The following CSNK2A1 variants were observed in gnomAD, a reference collection of about 807,000 sequenced individuals.
The protein encoded by CSNK2A1 is casein kinase 2 alpha 1.
A neutral mutation model predicts 62.9 loss-of-function variants in CSNK2A1; 10 were observed. The ratio of observed to expected loss-of-function variants is 0.16; its 90% confidence interval spans 0.10 to 0.27. CSNK2A1 has a LOEUF of 0.27. CSNK2A1 is among the 10% of genes least tolerant of loss of function. The probability of loss-of-function intolerance (pLI) is 1.00; values close to 1 mark genes in which losing one functional copy is unlikely to be tolerated. For synonymous variants in CSNK2A1, 124 were observed against 167.8 expected (o/e 0.74, Z 2.02); for missense variants, 160 against 492.0 (o/e 0.33, Z 6.38).
chr20:494,365 T>C (rs2018302833), intron 8 of CSNK2A1: 1 of 152,214 alleles, frequency 6.6e-6, no homozygotes, highest in African/African-American at 2.4e-5. Context: ...GTTGCATTCA[T>C]ATATAGGCTT....
chr20:535,613 C>A (rs1038832407), intron 1 of CSNK2A1, among the ~76,000 whole-genome samples: 1 of 151,742 alleles, frequency 6.6e-6, no homozygotes, highest in South Asian at 2.1e-4. Context: ...AAAATTAGCC[C>A]GGTGGGGTGG....
Position 475,770 on chromosome 20 carries a change from T to A in CSNK2A1, c.*8191A>T, listed in dbSNP as rs2017837579. ...ACACAGCAGAGGCTTGAAATGTGCT[T>A]GTGTGATTCCATTTGGTCTCTTCTA... On this transcript the variant is annotated 3_prime_UTR_variant, in exon 14 of 14. Coordinates refer to ENST00000217244, the MANE Select transcript of CSNK2A1 (RefSeq NM_177559.3). 1 of 152,194 alleles carries A rather than the reference T, an allele frequency of 6.6e-6. No individual in the cohort carries two copies. Among genetic ancestry groups the A allele is most frequent in the African/African-American group, 2.4e-5 (1 of 41,440 alleles). 9.4% of individuals were successfully genotyped at this position (152,194 alleles called of 1,614,324 possible).
chr20:527,774 G>C (rs1174945751), intron 2 of CSNK2A1, among the ~76,000 whole-genome samples, 159 bp downstream of exon 2: 1 of 152,120 alleles, frequency 6.6e-6, no homozygotes, highest in Non-Finnish European at 1.5e-5. Flanking sequence ...CCTGACCTCA[G>C]GTGATCCAAC....
chr20:504,982 G>C, intron 4 of CSNK2A1, 136 bp downstream of exon 4: 2 of 717,688 alleles, frequency 2.8e-6, no homozygotes, highest in Non-Finnish European at 4.6e-6. Context: ...GTTCTATTGA[G>C]TTCATAGGAT....
chr20:524,708 CAAAAAAAAAAA>C (rs56228720), intron 2 of CSNK2A1, among the ~76,000 whole-genome samples: 1 of 83,168 alleles, frequency 1.2e-5, no homozygotes, highest in East Asian at 4.4e-4. Flanking sequence ...GACTCCATCT[CAAAAAAAAAAA>C]AAAAAAAAAA....
rs529553913 is a variant in CSNK2A1 at position 533,772 on chromosome 20, G to A, written c.-226-5723C>T. Among the ~76,000 whole-genome samples the A allele has an allele frequency of 7.9e-5, 12 of 152,276 alleles. No individual in the cohort carries two copies. The South Asian group carries it at 2.5e-3, about 32-fold the overall frequency. On this transcript the variant is annotated intron_variant, in intron 1 of 13. Coordinates refer to ENST00000217244, the MANE Select transcript of CSNK2A1 (RefSeq NM_177559.3). ...AGAAAAGGGATCTGAGTGTCAATGT[G>A]ACATAAATGACATAGCAACAGTGTG...
rs1381350307 is a variant in CSNK2A1 at position 474,598 on chromosome 20, CAAT to C, written c.*9360_*9362del. 6.6e-6 allele frequency: 1 copy of C among 152,164 alleles called. No homozygotes were observed. Among genetic ancestry groups the C allele is most frequent in the Non-Finnish European group, 1.5e-5 (1 of 68,028 alleles). 9.4% of individuals were successfully genotyped at this position (152,164 alleles called of 1,614,324 possible). On this transcript the variant is annotated 3_prime_UTR_variant, in exon 14 of 14. Transcript: ENST00000217244. ...AAAGTAAATACTGCTACTATCTTAA[CAAT>C]AATTTAAAAAATCTCAAAATAACAT...
At chr20:524,804 C>T (rs986365112) in intron 2 of CSNK2A1, among the ~76,000 whole-genome samples, 4 of 151,496 alleles carry the variant, frequency 2.6e-5, no homozygotes, top group Non-Finnish European at 5.9e-5. Flanking sequence ...CAATATATCC[C>T]ATAAATATGT....
At chr20:538,548 G>C (rs1188872681) in intron 1 of CSNK2A1, among the ~76,000 whole-genome samples, 3 of 152,112 alleles carry the variant, frequency 2.0e-5, no homozygotes, top group Non-Finnish European at 4.4e-5. Context: ...CCAATTAATA[G>C]GATACTTTAA....
chr20:521,235 C>T (rs1266692149), intron 2 of CSNK2A1, among the ~76,000 whole-genome samples: 1 of 151,984 alleles, frequency 6.6e-6, no homozygotes, highest in Non-Finnish European at 1.5e-5. Flanking sequence ...GAAAACAGCT[C>T]AATTTAAAAA....
At chr20:522,084 A>G (rs1306300859) in intron 2 of CSNK2A1, among the ~76,000 whole-genome samples, 1 of 152,248 alleles carries the variant, frequency 6.6e-6, no homozygotes, top group Admixed American at 6.5e-5. Context: ...CTCCTGTCCC[A>G]TCAGCAACAG....
intron 8 of CSNK2A1, 26 bp from the exon 9 acceptor site, chr20:492,390 T>G: frequency 2.5e-6 from 4 of 1,610,198 alleles, no homozygotes; most frequent in Non-Finnish European, 3.4e-6. Context: ...CCATGAGCAA[T>G]CTTATCTTTC....
intron 1 of CSNK2A1, among the ~76,000 whole-genome samples, chr20:530,695 G>A (rs1032936852): frequency 3.3e-5 from 5 of 151,984 alleles, no homozygotes; most frequent in African/African-American, 7.3e-5. Context: ...GGCTGGTCTC[G>A]AACTCCTGGA....
At chr20:487,110 G>A (rs1164149471) in intron 12 of CSNK2A1, 8 of 300,146 alleles carry the variant, frequency 2.7e-5, no homozygotes, top group African/African-American at 1.5e-4. Context: ...TCTTTCCAAC[G>A]AATGATTACT....
chr20:521,897 G>GA (rs1375977913), intron 2 of CSNK2A1, among the ~76,000 whole-genome samples: 1 of 152,154 alleles, frequency 6.6e-6, no homozygotes, highest in Non-Finnish European at 1.5e-5. Context: ...CCAACATGGT[G>GA]AATCTTAAAA....
At position 484,694 on chromosome 20, in the gene CSNK2A1, TTGTG is replaced by T. The variant is rs3055006; in HGVS notation, c.1061-622_1061-619del. ...TTCTTCCACCTCTCTAATCATGTTT[TTGTG>T]TGTGTGTGTGTGTGTGTGTGTGTGT... On this transcript the variant is annotated intron_variant, in intron 13 of 13. Coordinates refer to ENST00000217244, the MANE Select transcript of CSNK2A1 (RefSeq NM_177559.3). Among the ~76,000 whole-genome samples, 325 of 147,466 alleles carry T rather than the reference TTGTG, an allele frequency of 2.2e-3. 1 individual carries two copies. The highest frequency in any genetic ancestry group is 3.9e-3 in the African/African-American group (154 of 39,788).
chr20:540,365 C>T (rs1050264401), intron 1 of CSNK2A1, among the ~76,000 whole-genome samples: 3 of 152,210 alleles, frequency 2.0e-5, no homozygotes, highest in East Asian at 1.9e-4. Context: ...ACAAGTTCAT[C>T]ACTTGCAAAT....
At chr20:533,676 G>C (rs1292096969) in intron 1 of CSNK2A1, among the ~76,000 whole-genome samples, 1 of 152,152 alleles carries the variant, frequency 6.6e-6, no homozygotes, top group Non-Finnish European at 1.5e-5. Context: ...AACAAACCAG[G>C]AAGTACAGTA....
intron 1 of CSNK2A1, among the ~76,000 whole-genome samples, chr20:530,137 C>T (rs1233239186): frequency 6.6e-6 from 1 of 152,170 alleles, no homozygotes; most frequent in Admixed American, 6.5e-5. Flanking sequence ...AACCCAGTAC[C>T]TCAGAGGATT....
Sources: allele counts gnomAD v4.1 joint callset (sites outside exome capture counted in the v4.1 genomes callset), GRCh38; gene constraint gnomAD v4.1.1; transcripts MANE v1.5; gene names NCBI Gene and HGNC (gene_info 2026-07-23, HGNC 2026-07-21).